The following NRG2 variants were observed in gnomAD, a reference collection of about 807,000 sequenced individuals.
The protein encoded by NRG2 is pro-neuregulin-2, membrane-bound isoform.
NRG2 carries 27 observed loss-of-function variants against 73.9 expected under a neutral mutation model. The observed-to-expected ratio is 0.37, with a 90% CI of 0.27 to 0.50. NRG2 has a LOEUF of 0.50. Among genes scored for constraint, NRG2 ranks in the 20% least tolerant of loss-of-function variants. The pLI is 0.96. For missense variants in NRG2, 1,126 were observed against 1,210.1 expected, an observed-to-expected ratio of 0.93 and a Z score of 1.03; for synonymous variants, 532 against 541.0, an observed-to-expected ratio of 0.98 and a Z score of 0.23.
chr5:140,004,907 T>C (rs1022202560), intron 1 of NRG2, among the ~76,000 whole-genome samples: 2 of 152,232 alleles, frequency 1.3e-5, no homozygotes, highest in East Asian at 3.8e-4. Flanking sequence ...GTGAGGTTTG[T>C]ACAGAAACTC....
chr5:139,985,339 CAA>C (rs1310701827), intron 1 of NRG2, among the ~76,000 whole-genome samples: 42 of 82,234 alleles, frequency 5.1e-4, no homozygotes, highest in Admixed American at 5.4e-4. Flanking sequence ...GACTCGGTCT[CAA>C]AAAAAAAAAA....
intron 1 of NRG2, among the ~76,000 whole-genome samples, chr5:139,944,158 G>A (rs867183388): frequency 6.6e-6 from 1 of 151,294 alleles, no homozygotes; most frequent in Non-Finnish European, 1.5e-5. Flanking sequence ...CAGATGATAC[G>A]ATCTTTAAAA....
chr5:139,925,318 T>C (rs796901723), intron 1 of NRG2, among the ~76,000 whole-genome samples: 2 of 152,344 alleles, frequency 1.3e-5, no homozygotes, highest in African/African-American at 4.8e-5. Context: ...TGTCTTCCGC[T>C]GCTCCTCAGC....
chr5:140,037,331 T>A (rs1189652061), intron 1 of NRG2, among the ~76,000 whole-genome samples: 1 of 152,260 alleles, frequency 6.6e-6, no homozygotes, highest in African/African-American at 2.4e-5. Flanking sequence ...AGCATCCCAG[T>A]TAAGACTTAT....
chr5:139,872,919 C>T (rs973213852), intron 3 of NRG2, among the ~76,000 whole-genome samples: 11 of 152,164 alleles, frequency 7.2e-5, no homozygotes, highest in Admixed American at 6.5e-4. Context: ...GAGGGCCTCT[C>T]GTTCCCACCC....
Position 139,851,392 on chromosome 5 carries a change from G to A in NRG2, c.1772+212C>T, listed in dbSNP as rs187269453. Among the ~76,000 whole-genome samples the A allele has an allele frequency of 3.2e-4, 48 of 152,322 alleles. No individual in the cohort carries two copies. The highest frequency in any genetic ancestry group is 6.2e-4 in the Non-Finnish European group (42 of 68,026). ...AAATTAGATGGTCACTGTCCACCAG[G>A]GTCCACTGGCCCAACTCTAGTCCCA... On this transcript the variant is annotated intron_variant, in intron 9 of 9. Transcript: ENST00000361474. This position sits in a 1 kb window ranked among gnomAD's most constrained non-coding sequence, Gnocchi z 4.2.
intron 3 of NRG2, among the ~76,000 whole-genome samples, chr5:139,872,371 A>G (rs187633181): frequency 1.4e-3 from 212 of 152,152 alleles, no homozygotes; most frequent in African/African-American, 4.9e-3. Flanking sequence ...GTCATTTTCT[A>G]AGATCTGGAG....
chr5:139,864,957 A>G, intron 5 of NRG2: 1 of 725,068 alleles, frequency 1.4e-6, no homozygotes, highest in Non-Finnish European at 2.5e-6. Flanking sequence ...TACAGCCCAC[A>G]TGTGGAGGTG....
At chr5:139,919,434 T>C (rs1273697106) in intron 1 of NRG2, among the ~76,000 whole-genome samples, 2 of 152,150 alleles carry the variant, frequency 1.3e-5, no homozygotes, top group Non-Finnish European at 2.9e-5. Flanking sequence ...AGAAAGTTAC[T>C]GGATCCTCTC....
At chr5:140,011,525 T>TTC (rs370653423) in intron 1 of NRG2, among the ~76,000 whole-genome samples, 2 of 151,842 alleles carry the variant, frequency 1.3e-5, no homozygotes, top group African/African-American at 2.4e-5. Context: ...CTCCCACCCT[T>TTC]TCTCTCTCTC....
At chr5:139,936,834 C>T (rs1752886752) in intron 1 of NRG2, among the ~76,000 whole-genome samples, 1 of 152,154 alleles carries the variant, frequency 6.6e-6, no homozygotes, top group Non-Finnish European at 1.5e-5. Flanking sequence ...TGGCATCTTG[C>T]TCTGTTGCCC....
intron 3 of NRG2, among the ~76,000 whole-genome samples, chr5:139,876,998 G>A (rs1257963367): frequency 6.6e-6 from 1 of 151,708 alleles, no homozygotes; most frequent in Non-Finnish European, 1.5e-5. Context: ...CTCCAGGTAA[G>A]AGACTGGCCC....
Position 139,856,789 on chromosome 5 carries a change from C to T in NRG2, c.1190-1011G>A, listed in dbSNP as rs552647628. Among the ~76,000 whole-genome samples the T allele has an allele frequency of 5.9e-5, 9 of 152,320 alleles. No individual in the cohort carries two copies. Among genetic ancestry groups the T allele is most frequent in the Non-Finnish European group, 1.0e-4 (7 of 68,016 alleles). On this transcript the variant is annotated intron_variant, in intron 5 of 9. Transcript: ENST00000361474. This position sits in a 1 kb window ranked among gnomAD's most constrained non-coding sequence, Gnocchi z 4.2. ...ATTCACAGGCAGACCCCTTCATTCA[C>T]GCACACACACCTGCACACACAACAT...
intron 6 of NRG2, among the ~76,000 whole-genome samples, chr5:139,854,460 C>CTGAA (rs538710125): frequency 2.0e-5 from 3 of 152,270 alleles, no homozygotes; most frequent in Non-Finnish European, 4.4e-5. Flanking sequence ...CCAGCAGGCA[C>CTGAA]TGAATGTTTG....
chr5:139,912,832 G>A (rs140054065), intron 1 of NRG2, among the ~76,000 whole-genome samples: 71 of 152,248 alleles, frequency 4.7e-4, no homozygotes, highest in African/African-American at 1.7e-3. Flanking sequence ...TTCCCTTTGC[G>A]CCTCAACGTG....
Position 140,007,478 on chromosome 5 carries a change from AGAG to A in NRG2, c.700+34889_700+34891del, listed in dbSNP as rs1054071149. 3.3e-5 allele frequency among the ~76,000 whole-genome samples: 5 copies of A among 152,198 alleles called. No individual in the cohort carries two copies. The South Asian group carries it at 8.3e-4, about 25-fold the overall frequency. Reference sequence around the variant, plus strand: ...ACAGCTTAGGATCAAGAGCTCAGAAAGAGGAGATCAGCCAGGAGCTGGAGGTGG... The same window carrying A: ...ACAGCTTAGGATCAAGAGCTCAGAAAGAGATCAGCCAGGAGCTGGAGGTGG... On this transcript the variant is annotated intron_variant, in intron 1 of 9. Transcript: ENST00000361474.
chr5:139,973,014 TTAG>T (rs1422222444), intron 1 of NRG2, among the ~76,000 whole-genome samples: 1 of 152,106 alleles, frequency 6.6e-6, no homozygotes, highest in Non-Finnish European at 1.5e-5. Flanking sequence ...TGTGCAGAAA[TTAG>T]TAGTCACATA....
At chr5:139,973,306 G>C (rs1450928775) in intron 1 of NRG2, among the ~76,000 whole-genome samples, 2 of 152,050 alleles carry the variant, frequency 1.3e-5, no homozygotes, top group Non-Finnish European at 2.9e-5. Context: ...CTTTAAAAAT[G>C]ATAGCATAAA....
rs769944504 is a variant in NRG2 at position 139,852,489 on chromosome 5, C to T, written c.1487G>A (p.Ser496Asn). The change falls in exon 8 of 10, where the codon AGC becomes AAC. Residue 496 changes from serine (S) to asparagine (N), a missense_variant. This residue lies in a region of NRG2 where 539 missense variants were observed against 703.2 expected (regional missense o/e 0.77). Coordinates refer to ENST00000361474, the MANE Select transcript of NRG2 (RefSeq NM_004883.3). The surrounding 1 kb of genome is among the most constrained non-coding windows in gnomAD (Gnocchi z 4.4). ...RRETETTFSG[S>N]HSCSPSHHCS... ...GTGGTGAGAAGGAGAACAGGAGTGG[C>T]TCCCAGAGAAGGTGGTCTCAGTTTC... 1 of 1,614,066 alleles carries T rather than the reference C, an allele frequency of 6.2e-7. No individual in the cohort carries two copies. The highest frequency in any genetic ancestry group is 1.3e-5 in the African/African-American group (1 of 75,024).
Sources: gnomAD v4.1 joint callset for allele counts (sites outside exome capture counted in the v4.1 genomes callset) on GRCh38, gnomAD v4.1.1 for gene constraint, gnomAD v4.1.1 regional missense constraint, Gnocchi (gnomAD v3.1) non-coding constraint, MANE v1.5 for transcripts, NCBI Gene and HGNC (gene_info 2026-07-23, HGNC 2026-07-21) for gene names.